Variants in NT5DC1 observed in about 807,000 individuals in gnomAD.
NT5DC1 encodes the protein 5'-nucleotidase domain-containing protein 1.
NT5DC1 carries 42 observed loss-of-function variants against 59.4 expected under a neutral mutation model. That is an observed-to-expected ratio of 0.71 (90% CI 0.55 to 0.92). The LOEUF is 0.92. NT5DC1 is among the 40% of genes least tolerant of loss of function. The pLI, the probability that NT5DC1 is intolerant of heterozygous loss-of-function variation, is 0.00. For missense variants in NT5DC1, 501 were observed against 537.1 expected, an observed-to-expected ratio of 0.93 and a Z score of 0.66; for synonymous variants, 172 against 188.1, an observed-to-expected ratio of 0.91 and a Z score of 0.70.
intron 6 of NT5DC1, among the ~76,000 whole-genome samples, chr6:116,166,170 C>T (rs756381893): frequency 3.3e-5 from 5 of 152,084 alleles, no homozygotes; most frequent in Non-Finnish European, 7.4e-5. Context: ...TCAATCTCTG[C>T]GAGACTCTTG....
chr6:116,167,642 C>A (rs896006716), intron 6 of NT5DC1, among the ~76,000 whole-genome samples: 2 of 152,188 alleles, frequency 1.3e-5, no homozygotes, highest in Non-Finnish European at 2.9e-5. Context: ...TCTTACCCTT[C>A]TACCCTTCGT....
chr6:116,172,930 C>G (rs1284161430), intron 6 of NT5DC1, among the ~76,000 whole-genome samples: 1 of 152,090 alleles, frequency 6.6e-6, no homozygotes, highest in Non-Finnish European at 1.5e-5. Flanking sequence ...TTTCACATTG[C>G]AGGTGTGGAT....
At position 116,193,312 on chromosome 6, in the gene NT5DC1, C is replaced by T. The variant is rs1367698645; in HGVS notation, c.530-27742C>T. Among the ~76,000 whole-genome samples the T allele has an allele frequency of 2.0e-5, 3 of 152,076 alleles. No homozygotes were observed. The South Asian group carries it at 6.2e-4, about 32-fold the overall frequency. ...TATAGGAGTGCTGTGATAACAAAAC[C>T]TATAAATAAAAAATTAGGATGTTTT... On this transcript the variant is annotated intron_variant, in intron 6 of 11. Transcript: ENST00000319550.
chr6:116,111,832 C>T (rs775527669), intron 4 of NT5DC1, among the ~76,000 whole-genome samples: 51 of 152,184 alleles, frequency 3.4e-4, no homozygotes, highest in Admixed American at 6.5e-4. Flanking sequence ...ACTAAGATTT[C>T]ACACTGGGGT....
chr6:116,219,162 A>G (rs1264274209), intron 6 of NT5DC1, among the ~76,000 whole-genome samples: 1 of 152,160 alleles, frequency 6.6e-6, no homozygotes, highest in African/African-American at 2.4e-5. Flanking sequence ...TGTCTCAAAA[A>G]CAGAAACAAA....
At chr6:116,110,466 A>G (rs1778852689) in intron 3 of NT5DC1, among the ~76,000 whole-genome samples, 2 of 152,064 alleles carry the variant, frequency 1.3e-5, no homozygotes, top group South Asian at 4.1e-4. Flanking sequence ...TGACTCTGGT[A>G]CCTACTGCTC....
chr6:116,205,235 A>G (rs1280613439), intron 6 of NT5DC1, among the ~76,000 whole-genome samples: 1 of 151,944 alleles, frequency 6.6e-6, no homozygotes, highest in African/African-American at 2.4e-5. Context: ...TAGAACAACA[A>G]CAAAATAAGC....
chr6:116,124,653 A>T (rs1013623420), intron 6 of NT5DC1, among the ~76,000 whole-genome samples: 1 of 152,236 alleles, frequency 6.6e-6, no homozygotes, highest in African/African-American at 2.4e-5. Context: ...AGCCCTTGAG[A>T]TAGCTGCTCC....
chr6:116,172,235 G>T lies in NT5DC1; in HGVS notation c.530-48819G>T, dbSNP rs563369065. Among the ~76,000 whole-genome samples the T allele has an allele frequency of 5.3e-5, 8 of 150,476 alleles. No homozygotes were observed. In the South Asian group the frequency reaches 1.5e-3, roughly 28 times the overall value. ...ACTTTTACATAGTATATAATAAGTG[G>T]TTTTAAGTTTAAGGTTATATTAGAT... On this transcript the variant is annotated intron_variant, in intron 6 of 11. Coordinates refer to ENST00000319550, the MANE Select transcript of NT5DC1 (RefSeq NM_152729.3).
At chr6:116,157,897 T>C (rs1362179855) in intron 6 of NT5DC1, among the ~76,000 whole-genome samples, 1 of 152,198 alleles carries the variant, frequency 6.6e-6, no homozygotes, top group Non-Finnish European at 1.5e-5. Flanking sequence ...AATAATATCA[T>C]TGAAGTACAG....
At position 116,245,120 on chromosome 6, in the gene NT5DC1, G is replaced by A. The variant is rs190289711; in HGVS notation, c.*1096G>A. 6.6e-6 allele frequency: 1 copy of A among 152,258 alleles called. No individual in the cohort carries two copies. The highest frequency in any genetic ancestry group is 1.9e-4 in the East Asian group (1 of 5,186). The allele number at this position is 152,258 out of a possible 1,614,324, so 9.4% of individuals were successfully genotyped here. On this transcript the variant is annotated 3_prime_UTR_variant, in exon 12 of 12. Transcript: ENST00000319550. ...GTTTGAGAAAAAAATGCTTTAATGG[G>A]TTTTACAGGCATGCTACAATCCAGG...
intron 1 of NT5DC1, among the ~76,000 whole-genome samples, chr6:116,105,178 A>G (rs996908218): frequency 6.6e-6 from 1 of 152,098 alleles, no homozygotes; most frequent in Admixed American, 6.5e-5. Context: ...TCATATCCTG[A>G]CACTCAGACC....
chr6:116,173,750 A>G (rs965387043), intron 6 of NT5DC1, among the ~76,000 whole-genome samples: 1 of 152,214 alleles, frequency 6.6e-6, no homozygotes, highest in African/African-American at 2.4e-5. Context: ...GATAAAGACA[A>G]TATAGAGTGA....
In NT5DC1 at chr6:116,175,983, GATTT is replaced by G. The variant is rs551041652; in HGVS notation, c.530-45068_530-45065del. ...GTTTGTTTGTTTGTTTTGTATATGA[GATTT>G]ATAATTTTTGATTGAATGCTGGACA... On this transcript the variant is annotated intron_variant, in intron 6 of 11. Coordinates refer to ENST00000319550, the MANE Select transcript of NT5DC1 (RefSeq NM_152729.3). Among the ~76,000 whole-genome samples the G allele has an allele frequency of 4.5e-4, 69 of 152,214 alleles. 1 individual carries two copies. In the South Asian group the frequency reaches 0.013, roughly 28 times the overall value.
chr6:116,115,749 G>T lies in NT5DC1; in HGVS notation c.423G>T (p.Arg141Ser). 6.3e-7 allele frequency: 1 copy of T among 1,590,806 alleles called. No individual in the cohort carries two copies. Among genetic ancestry groups the T allele is most frequent in the Non-Finnish European group, 8.6e-7 (1 of 1,159,046 alleles). ...TGCCAGGAGCTCTTCTGTGTGCCAG[G>T]GTGGTGGACTATTTAACAAAAGTAA... Reference protein sequence around the residue: ...FDLPGALLCARVVDYLTKLNN... With the variant: ...FDLPGALLCASVVDYLTKLNN... Residue 141 changes from arginine to serine, a missense_variant, in exon 5 of 12, where the codon AGG becomes AGT. Coordinates refer to ENST00000319550, the MANE Select transcript of NT5DC1 (RefSeq NM_152729.3).
chr6:116,216,932 A>C (rs1781698277), intron 6 of NT5DC1, among the ~76,000 whole-genome samples: 2 of 152,150 alleles, frequency 1.3e-5, no homozygotes, highest in Non-Finnish European at 2.9e-5. Flanking sequence ...AAATATTTAA[A>C]TCTCTTCTAA....
At chr6:116,140,171 CATGCTCTCA>C (rs1779730765) in intron 6 of NT5DC1, among the ~76,000 whole-genome samples, 1 of 152,178 alleles carries the variant, frequency 6.6e-6, no homozygotes, top group African/African-American at 2.4e-5. Context: ...TCCACCAGTG[CATGCTCTCA>C]GGTATTTTCA....
chr6:116,190,313 A>G (rs1781089465), intron 6 of NT5DC1, among the ~76,000 whole-genome samples: 1 of 152,112 alleles, frequency 6.6e-6, no homozygotes, highest in South Asian at 2.1e-4. Context: ...TCCTTAAAAA[A>G]TGAGATTATT....
At chr6:116,237,484 G>A (rs891722745) in intron 9 of NT5DC1, 12 of 458,212 alleles carry the variant, frequency 2.6e-5, no homozygotes, top group African/African-American at 2.4e-4. Flanking sequence ...ATTTCTGTGA[G>A]CTGAGAGATC....
Sources: gnomAD v4.1 joint callset for allele counts (sites outside exome capture counted in the v4.1 genomes callset) on GRCh38, gnomAD v4.1.1 for gene constraint, MANE v1.5 for transcripts, NCBI Gene and HGNC (gene_info 2026-07-23, HGNC 2026-07-21) for gene names.